AKAP6: variants seen among roughly 807,000 people sequenced by gnomAD.
The protein encoded by AKAP6 is A-kinase anchoring protein 6, also known as A-kinase anchor protein 6.
Under a neutral mutation model 188.5 loss-of-function variants are expected in AKAP6, and 58 were observed. The ratio of observed to expected loss-of-function variants is 0.31; its 90% confidence interval spans 0.25 to 0.38. The LOEUF is 0.38. AKAP6 is among the 10% of genes least tolerant of loss of function. The pLI is 1.00. For synonymous variants in AKAP6, 989 were observed against 998.6 expected (o/e 0.99, Z 0.18); for missense variants, 2,710 against 2,740.0 (o/e 0.99, Z 0.24).
At chr14:32,457,955 C>T (rs1891198930) in intron 2 of AKAP6, among the ~76,000 whole-genome samples, 1 of 152,188 alleles carries the variant, frequency 6.6e-6, no homozygotes, top group Non-Finnish European at 1.5e-5. Context: ...GGGATTACAT[C>T]AGACATTCTA....
chr14:32,373,868 G>A (rs1413710340), intron 1 of AKAP6, among the ~76,000 whole-genome samples: 2 of 152,134 alleles, frequency 1.3e-5, no homozygotes, highest in African/African-American at 2.4e-5. Context: ...CTCCTCACAC[G>A]TAAAAGTCTT....
At chr14:32,467,705 C>T (rs1407336829) in intron 2 of AKAP6, among the ~76,000 whole-genome samples, 1 of 151,986 alleles carries the variant, frequency 6.6e-6, no homozygotes, top group Non-Finnish European at 1.5e-5. Flanking sequence ...TAACTCTTCC[C>T]TGTCCTCTGA....
At chr14:32,519,906 C>G (rs1318188227) in intron 2 of AKAP6, among the ~76,000 whole-genome samples, 2 of 152,152 alleles carry the variant, frequency 1.3e-5, no homozygotes, top group African/African-American at 4.8e-5. Flanking sequence ...CTTCTCAGCA[C>G]CACATCACAC....
intron 7 of AKAP6, among the ~76,000 whole-genome samples, chr14:32,659,369 G>C (rs1888590841): frequency 6.6e-6 from 1 of 152,034 alleles, no homozygotes; most frequent in Admixed American, 6.6e-5. Flanking sequence ...TTTGGTCCTA[G>C]ATTTGTATTC....
At position 32,546,872 on chromosome 14, in the gene AKAP6, A is replaced by C. The variant is rs1347254046; in HGVS notation, c.2219A>C (p.Lys740Thr). ...LAGMKKYADE[K>T]SERASSSEKN... is the part of the protein sequence containing the mutation. Reference sequence around the variant, plus strand: ...GGCATGAAAAAGTATGCTGATGAGAAGTCAGAAAGAGCTTCATCCTCTGAG... The same window carrying C: ...GGCATGAAAAAGTATGCTGATGAGACGTCAGAAAGAGCTTCATCCTCTGAG... Residue 740 changes from lysine (K) to threonine (T), a missense_variant, in exon 4 of 14, where the codon AAG becomes ACG. By Grantham distance (78) the Lys-to-Thr change is moderately conservative. Transcript: ENST00000280979. 2 of 1,613,998 alleles carry C rather than the reference A, an allele frequency of 1.2e-6. No individual in the cohort carries two copies. The highest frequency in any genetic ancestry group is 1.7e-6 in the Non-Finnish European group (2 of 1,180,008).
At position 32,444,405 on chromosome 14, in the gene AKAP6, G is replaced by C. The variant is rs180936089; in HGVS notation, c.324+10588G>C. Among the ~76,000 whole-genome samples, 135 of 150,822 alleles carry C rather than the reference G, an allele frequency of 9.0e-4. 2 individuals carry two copies. The highest frequency in any genetic ancestry group is 1.6e-4 in the Non-Finnish European group (11 of 66,880). On this transcript the variant is annotated intron_variant, in intron 2 of 13. Transcript: ENST00000280979. ...CTTGTCACTTGGTATTAGGGCTGAG[G>C]GTTGTTTTTTCTTTGTATAAATGTG...
At chr14:32,773,993 A>G (rs760288914) in intron 12 of AKAP6, 100 bp downstream of exon 12, 3 of 1,284,696 alleles carry the variant, frequency 2.3e-6, no homozygotes, top group Non-Finnish European at 3.3e-6. Context: ...AAATGGTTTT[A>G]CTAACTAACT....
chr14:32,567,951 G>A (rs1043742529), intron 4 of AKAP6, among the ~76,000 whole-genome samples: 3 of 152,114 alleles, frequency 2.0e-5, no homozygotes, highest in African/African-American at 7.2e-5. Context: ...AAGAGGAGAA[G>A]TGGGGGAAGA....
chr14:32,734,571 T>G (rs1289445078), intron 10 of AKAP6: 1 of 152,012 alleles, frequency 6.6e-6, no homozygotes, highest in African/African-American at 2.4e-5. Flanking sequence ...TGCAAACTGT[T>G]CCAGAACAAA....
rs913923460 is a variant in AKAP6 at position 32,370,101 on chromosome 14, T to G, written c.-35+40693T>G. Among the ~76,000 whole-genome samples the G allele has an allele frequency of 2.0e-5, 3 of 152,232 alleles. No individual in the cohort carries two copies. The South Asian group carries it at 6.2e-4, about 31-fold the overall frequency. On this transcript the variant is annotated intron_variant, in intron 1 of 13. Coordinates refer to ENST00000280979, the MANE Select transcript of AKAP6 (RefSeq NM_004274.5). ...CATGGGGTCATTACATGACCATTAT[T>G]TCTAAGTCAGTATGTTGTGTTCCAC... is the stretch of plus-strand genomic sequence containing the variant.
rs186586101 is a variant in AKAP6, at chr14:32,564,345, T to C, written c.2347-12775T>C. 5.3e-5 allele frequency among the ~76,000 whole-genome samples: 8 copies of C among 152,314 alleles called. No homozygotes were observed. In the East Asian group the frequency reaches 1.2e-3, roughly 22 times the overall value. ...TTATATGCTTATAAATAATAATTCT[T>C]ACAGAACTCTTTACCTAGAGGTAGA... On this transcript the variant is annotated intron_variant, in intron 4 of 13. Transcript: ENST00000280979.
intron 1 of AKAP6, among the ~76,000 whole-genome samples, chr14:32,378,900 C>G (rs1317834376): frequency 7.0e-6 from 1 of 142,624 alleles, no homozygotes; most frequent in Admixed American, 7.5e-5. Flanking sequence ...GTGTAGGATT[C>G]TTTTCTGTCT....
intron 2 of AKAP6, among the ~76,000 whole-genome samples, chr14:32,526,048 A>T (rs1457568521): frequency 6.6e-6 from 1 of 152,096 alleles, no homozygotes; most frequent in Non-Finnish European, 1.5e-5. Context: ...ACTGCGCTCC[A>T]TTATGGTCAT....
At chr14:32,405,330 T>C (rs1367704135) in intron 1 of AKAP6, among the ~76,000 whole-genome samples, 1 of 152,126 alleles carries the variant, frequency 6.6e-6, no homozygotes, top group African/African-American at 2.4e-5. Flanking sequence ...TCATTTTAAA[T>C]ACCCCTCCCC....
chr14:32,406,847 A>G (rs1024527494), intron 1 of AKAP6, among the ~76,000 whole-genome samples: 3 of 152,192 alleles, frequency 2.0e-5, no homozygotes, highest in African/African-American at 7.2e-5. Flanking sequence ...TTAGTGTCTT[A>G]TCCTTACAGA....
chr14:32,573,002 C>T (rs1956210), intron 4 of AKAP6, among the ~76,000 whole-genome samples: 38,827 of 151,918 alleles, frequency 0.26, 6,670 homozygotes, highest in African/African-American at 0.48. Context: ...AAAATAGGAG[C>T]ATGACAAAGA....
At chr14:32,492,351 T>TAG (rs1238554275) in intron 2 of AKAP6, among the ~76,000 whole-genome samples, 2 of 54,910 alleles carry the variant, frequency 3.6e-5, no homozygotes, top group Non-Finnish European at 4.5e-5. Context: ...TATATATATA[T>TAG]ATATAGAGAG....
chr14:32,515,058 T>G (rs372630231), intron 2 of AKAP6, among the ~76,000 whole-genome samples: 7 of 152,148 alleles, frequency 4.6e-5, no homozygotes, highest in Non-Finnish European at 1.5e-5. Context: ...AAGACATACC[T>G]GAGACTGGGT....
At chr14:32,430,881 C>T (rs536761113) in intron 1 of AKAP6, among the ~76,000 whole-genome samples, 38 of 151,962 alleles carry the variant, frequency 2.5e-4, no homozygotes, top group African/African-American at 6.8e-4. Flanking sequence ...CCGAGGTGGG[C>T]GGATCACGAG....
Sources: allele counts gnomAD v4.1 joint callset (sites outside exome capture counted in the v4.1 genomes callset), GRCh38; gene constraint gnomAD v4.1.1; transcripts MANE v1.5; gene names NCBI Gene and HGNC (gene_info 2026-07-23, HGNC 2026-07-21).